NOL4: variants seen among roughly 807,000 people sequenced by gnomAD.
NOL4 encodes cancer/testis antigen 125.
NOL4 carries 17 observed loss-of-function variants against 75.9 expected under a neutral mutation model. That is an observed-to-expected ratio of 0.22 (90% CI 0.15 to 0.34). The LOEUF is 0.34. Among genes scored for constraint, NOL4 ranks in the 10% least tolerant of loss-of-function variants. The probability of loss-of-function intolerance (pLI) is 1.00; values close to 1 mark genes in which losing one functional copy is unlikely to be tolerated. For missense variants in NOL4, 614 were observed against 793.5 expected (o/e 0.77, Z 2.72); for synonymous variants, 292 against 289.9 (o/e 1.01, Z -0.07).
At chr18:34,107,426 C>T (rs1042511311) in intron 2 of NOL4, among the ~76,000 whole-genome samples, 2 of 151,816 alleles carry the variant, frequency 1.3e-5, no homozygotes, top group South Asian at 4.2e-4. Flanking sequence ...ATAGTACTTG[C>T]CATGTCACTA....
chr18:34,106,622 A>G (rs894517596), intron 2 of NOL4, among the ~76,000 whole-genome samples: 43 of 151,890 alleles, frequency 2.8e-4, no homozygotes, highest in African/African-American at 9.9e-4. Context: ...GAACAATTCT[A>G]AACTATTTTG....
intron 9 of NOL4, among the ~76,000 whole-genome samples, chr18:33,909,835 A>AT (rs374661709): frequency 2.7e-5 from 4 of 146,088 alleles, no homozygotes; most frequent in South Asian, 2.2e-4. Flanking sequence ...TAAAATATAT[A>AT]AAAAAAAAAA....
chr18:33,925,693 T>G (rs563825661), intron 9 of NOL4, among the ~76,000 whole-genome samples: 53 of 152,276 alleles, frequency 3.5e-4, no homozygotes, highest in African/African-American at 1.2e-3. Context: ...AACATTACCC[T>G]GAAATCCAAA....
At chr18:33,906,911 G>C (rs544778240) in intron 9 of NOL4, among the ~76,000 whole-genome samples, 4 of 152,212 alleles carry the variant, frequency 2.6e-5, no homozygotes, top group African/African-American at 9.6e-5. Flanking sequence ...GGTCTGTTCT[G>C]TTATATAATT....
intron 10 of NOL4, among the ~76,000 whole-genome samples, chr18:33,881,736 C>T (rs1227646257): frequency 1.3e-5 from 2 of 151,968 alleles, no homozygotes; most frequent in African/African-American, 4.8e-5. Context: ...AAAACGAGCC[C>T]GCATTGCCAG....
At chr18:34,045,456 C>T (rs1568267002) in intron 5 of NOL4, among the ~76,000 whole-genome samples, 1 of 152,210 alleles carries the variant, frequency 6.6e-6, no homozygotes, top group East Asian at 1.9e-4. Flanking sequence ...ATTCCTGGTT[C>T]ACAAATGCCC....
intron 10 of NOL4, among the ~76,000 whole-genome samples, chr18:33,877,828 G>T (rs759418295): frequency 9.7e-5 from 6 of 61,838 alleles, no homozygotes; most frequent in Admixed American, 3.9e-4. Flanking sequence ...TTGTGTGATT[G>T]TGTGTGTGTG....
intron 4 of NOL4, among the ~76,000 whole-genome samples, chr18:34,096,993 T>C (rs926265819): frequency 6.6e-6 from 1 of 152,176 alleles, no homozygotes; most frequent in African/African-American, 2.4e-5. Flanking sequence ...TCGCCTGCTA[T>C]TGTCCTGCCT....
chr18:34,108,201 T>C (rs375070613), intron 2 of NOL4, among the ~76,000 whole-genome samples: 6 of 152,042 alleles, frequency 3.9e-5, no homozygotes, highest in South Asian at 2.1e-4. Context: ...ATTCTGTAAG[T>C]AGATATGCAA....
intron 10 of NOL4, among the ~76,000 whole-genome samples, chr18:33,879,544 G>A (rs988344865): frequency 3.3e-5 from 5 of 151,934 alleles, no homozygotes; most frequent in African/African-American, 1.2e-4. Flanking sequence ...AGCCCAGCAT[G>A]GAGGCATGCA....
chr18:33,915,014 A>C (rs1481821179), intron 9 of NOL4, among the ~76,000 whole-genome samples: 1 of 152,056 alleles, frequency 6.6e-6, no homozygotes, highest in East Asian at 1.9e-4. Context: ...TAAATTTTAG[A>C]ATTAGAGGAC....
chr18:34,097,988 A>G (rs1030239500), intron 4 of NOL4, among the ~76,000 whole-genome samples: 29 of 152,202 alleles, frequency 1.9e-4, no homozygotes, highest in African/African-American at 6.5e-4. Flanking sequence ...TTCTCAATGC[A>G]GTAAGCCTCA....
At chr18:34,169,060 C>T (rs2146248738) in intron 1 of NOL4, among the ~76,000 whole-genome samples, 1 of 151,860 alleles carries the variant, frequency 6.6e-6, no homozygotes. Context: ...ATCCTTTAGG[C>T]AGAAATGTCT....
chr18:34,007,933 C>T (rs11874209), intron 6 of NOL4, among the ~76,000 whole-genome samples: 5,175 of 151,886 alleles, frequency 0.034, 164 homozygotes, highest in Middle Eastern at 0.088. Context: ...AACTAGACTG[C>T]GCTATAGGGT....
At chr18:33,900,130 G>C (rs2065660331) in intron 9 of NOL4, among the ~76,000 whole-genome samples, 1 of 152,120 alleles carries the variant, frequency 6.6e-6, no homozygotes. Context: ...GTTTTGCATG[G>C]TGCTGGCTTC....
At chr18:33,882,312 A>T (rs1430969193) in intron 10 of NOL4, among the ~76,000 whole-genome samples, 5 of 152,300 alleles carry the variant, frequency 3.3e-5, no homozygotes, top group African/African-American at 9.6e-5. Flanking sequence ...CTCATCTGAC[A>T]AAGGGCTAAT....
At chr18:33,889,255 A>G (rs1232065380) in intron 9 of NOL4, among the ~76,000 whole-genome samples, 4 of 152,170 alleles carry the variant, frequency 2.6e-5, no homozygotes, top group Non-Finnish European at 5.9e-5. Context: ...TATGCAAATA[A>G]ACTTGAAAAT....
At chr18:34,051,518 C>G (rs1170350158) in intron 5 of NOL4, among the ~76,000 whole-genome samples, 1 of 152,024 alleles carries the variant, frequency 6.6e-6, no homozygotes, top group Non-Finnish European at 1.5e-5. Flanking sequence ...ACAATAACAT[C>G]TCCTTTAGTT....
intron 5 of NOL4, among the ~76,000 whole-genome samples, chr18:34,025,604 T>C (rs761460693): frequency 6.6e-6 from 1 of 152,220 alleles, no homozygotes; most frequent in African/African-American, 2.4e-5. Context: ...GTATGTCATT[T>C]TACTGAGTAA....
Sources: gnomAD v4.1 joint callset for allele counts (sites outside exome capture counted in the v4.1 genomes callset) on GRCh38, gnomAD v4.1.1 for gene constraint, MANE v1.5 for transcripts, NCBI Gene and HGNC (gene_info 2026-07-23, HGNC 2026-07-21) for gene names.